Variants in FYB1 observed in about 807,000 individuals in gnomAD.
FYB1 encodes the protein FYN binding protein 1.
Under a neutral mutation model 94.1 loss-of-function variants are expected in FYB1, and 41 were observed. The ratio of observed to expected loss-of-function variants is 0.44; its 90% confidence interval spans 0.34 to 0.57. The LOEUF is 0.57. Among genes scored for constraint, FYB1 ranks in the 20% least tolerant of loss-of-function variants. FYB1 has a pLI of 0.02. For missense variants in FYB1, 1,050 were observed against 976.8 expected (o/e 1.07, Z -1.00); for synonymous variants, 367 against 353.2 (o/e 1.04, Z -0.44).
chr5:39,153,286 G>C (rs1743415155), intron 3 of FYB1, among the ~76,000 whole-genome samples, 162 bp downstream of exon 3: 1 of 152,222 alleles, frequency 6.6e-6, no homozygotes, highest in Non-Finnish European at 1.5e-5. Flanking sequence ...TGCACTGCCA[G>C]CTTGGCCAGC....
intron 2 of FYB1, among the ~76,000 whole-genome samples, chr5:39,199,743 G>T (rs1232387319): frequency 6.6e-6 from 1 of 152,122 alleles, no homozygotes; most frequent in East Asian, 1.9e-4. Flanking sequence ...GTTTCTATGG[G>T]GTAGGGGCTG....
chr5:39,168,144 A>C (rs1316667216), intron 2 of FYB1, among the ~76,000 whole-genome samples: 1 of 152,204 alleles, frequency 6.6e-6, no homozygotes, highest in African/African-American at 2.4e-5. Flanking sequence ...CTGCTGAGTA[A>C]GCCTATTTTT....
At chr5:39,268,545 T>A (rs907577745) in intron 1 of FYB1, among the ~76,000 whole-genome samples, 2 of 151,850 alleles carry the variant, frequency 1.3e-5, no homozygotes, top group Non-Finnish European at 1.5e-5. Flanking sequence ...TTCTAAGAAG[T>A]TTTTTTTGAG....
chr5:39,168,824 T>C (rs1485331484), intron 2 of FYB1, among the ~76,000 whole-genome samples: 1 of 152,180 alleles, frequency 6.6e-6, no homozygotes, highest in Non-Finnish European at 1.5e-5. Context: ...CTTTTTTTAA[T>C]CAAAATAGGA....
chr5:39,144,810 A>C (rs9968709), intron 3 of FYB1, among the ~76,000 whole-genome samples: 7,921 of 152,172 alleles, frequency 0.052, 698 homozygotes, highest in African/African-American at 0.18. Flanking sequence ...TCAAAAAAAA[A>C]CCAAAAAACA....
intron 16 of FYB1, among the ~76,000 whole-genome samples, chr5:39,116,092 T>C (rs1000278718): frequency 6.6e-6 from 1 of 152,080 alleles, no homozygotes. Context: ...CACTTGGAGG[T>C]CTCCAGCATG....
At chr5:39,271,804 T>C (rs918700337) in intron 1 of FYB1, among the ~76,000 whole-genome samples, 2 of 152,156 alleles carry the variant, frequency 1.3e-5, no homozygotes, top group Admixed American at 1.3e-4. Context: ...CAGAATCTGG[T>C]GGATGGTCAG....
intron 1 of FYB1, among the ~76,000 whole-genome samples, chr5:39,215,740 G>T (rs761639873): frequency 6.6e-6 from 1 of 152,196 alleles, no homozygotes; most frequent in African/African-American, 2.4e-5. Context: ...GATTTAGCAC[G>T]AGTGAATGGG....
chr5:39,219,436 C>T lies in FYB1; in HGVS notation c.-28+7G>A, dbSNP rs925456972. Reference sequence around the variant, plus strand: ...TTTGAAAGAAGAAACCTAGGCATAGCTGTTACCTGACTCCTGCAGAAGAAG... The same window carrying T: ...TTTGAAAGAAGAAACCTAGGCATAGTTGTTACCTGACTCCTGCAGAAGAAG... On this transcript the variant is annotated splice_region_variant and intron_variant, in intron 1 of 18. Transcript: ENST00000512982. 2 of 985,368 alleles carry T rather than the reference C, an allele frequency of 2.0e-6. No individual in the cohort carries two copies. Among genetic ancestry groups the T allele is most frequent in the African/African-American group, 1.7e-5 (1 of 57,230 alleles). 61.0% of individuals were successfully genotyped at this position (985,368 alleles called of 1,614,324 possible). A position where few individuals can be genotyped will look rare whatever the true frequency, so the allele number is the denominator to read the frequency against.
In FYB1 at chr5:39,168,725, G is replaced by A. The variant is rs118086459; in HGVS notation, c.1136-15121C>T. On this transcript the variant is annotated intron_variant, in intron 2 of 18. Coordinates refer to ENST00000512982, the MANE Select transcript of FYB1 (RefSeq NM_001465.6). ...CACATTTACTGTTGTGCATATAATC[G>A]TGTATAAAGTCCAAACATAATAGTC... Among the ~76,000 whole-genome samples the A allele has an allele frequency of 0.011, 1,609 of 152,136 alleles. 63 individuals are homozygous for A. The East Asian group carries it at 0.14, about 13-fold the overall frequency.
chr5:39,113,519 T>C (rs985196757), intron 16 of FYB1, among the ~76,000 whole-genome samples: 3 of 152,152 alleles, frequency 2.0e-5, no homozygotes, highest in African/African-American at 7.2e-5. Flanking sequence ...GTTAATTTCT[T>C]CCCCAAATGT....
At chr5:39,167,001 T>C (rs1450873233) in intron 2 of FYB1, among the ~76,000 whole-genome samples, 1 of 152,074 alleles carries the variant, frequency 6.6e-6, no homozygotes, top group Non-Finnish European at 1.5e-5. Flanking sequence ...ATATAGCACA[T>C]AAACATAAGA....
At chr5:39,145,640 G>C (rs1241149183) in intron 3 of FYB1, among the ~76,000 whole-genome samples, 4 of 152,070 alleles carry the variant, frequency 2.6e-5, no homozygotes, top group Admixed American at 6.5e-5. Flanking sequence ...AAATACCTAA[G>C]ACATTAAAAT....
At chr5:39,134,809 C>A (rs537273433) in intron 8 of FYB1, 46 bp downstream of exon 8, 13 of 1,600,574 alleles carry the variant, frequency 8.1e-6, no homozygotes, top group Non-Finnish European at 1.0e-5. Flanking sequence ...TTGAATATTG[C>A]CTCGCAAAGA....
chr5:39,127,427 G>A (rs1331385610), intron 11 of FYB1, among the ~76,000 whole-genome samples: 2 of 145,916 alleles, frequency 1.4e-5, no homozygotes, highest in Non-Finnish European at 3.0e-5. Flanking sequence ...CTCCAGCCTG[G>A]GCGACAGAGT....
intron 3 of FYB1, among the ~76,000 whole-genome samples, chr5:39,146,770 C>A (rs577822611): frequency 1.3e-5 from 2 of 151,982 alleles, no homozygotes; most frequent in South Asian, 4.2e-4. Context: ...TATTTATGGA[C>A]CCAAAATTAT....
chr5:39,129,247 G>A (rs1272366836), intron 10 of FYB1, among the ~76,000 whole-genome samples: 1 of 151,852 alleles, frequency 6.6e-6, no homozygotes, highest in Non-Finnish European at 1.5e-5. Flanking sequence ...GGGAAAACTG[G>A]ATATCCATAT....
At chr5:39,239,443 T>C (rs946684204) in intron 1 of FYB1, among the ~76,000 whole-genome samples, 1 of 152,178 alleles carries the variant, frequency 6.6e-6, no homozygotes, top group African/African-American at 2.4e-5. Flanking sequence ...CTCCTAGATC[T>C]GATAAACAAT....
rs533323982 is a variant in FYB1 at position 39,127,479 on chromosome 5, A to G, written c.1907+262T>C. Among the ~76,000 whole-genome samples, 15 of 150,720 alleles carry G rather than the reference A, an allele frequency of 1.0e-4. 1 individual carries two copies. In the East Asian group the frequency reaches 2.1e-3, roughly 22 times the overall value. On this transcript the variant is annotated intron_variant, in intron 11 of 18. Transcript: ENST00000512982. ...AAAAAAAAAAAAAAAAAAAATACAC[A>G]ACACCTGTAATTTATCTTTTGTTTT...
Sources: gnomAD v4.1 joint callset for allele counts (sites outside exome capture counted in the v4.1 genomes callset) on GRCh38, gnomAD v4.1.1 for gene constraint, MANE v1.5 for transcripts, NCBI Gene and HGNC (gene_info 2026-07-23, HGNC 2026-07-21) for gene names.